The following SATB2 variants were observed in gnomAD, a reference collection of about 807,000 sequenced individuals.
The protein encoded by SATB2 is DNA-binding protein SATB2.
SATB2 carries 1 observed loss-of-function variant against 73.4 expected under a neutral mutation model. That is an observed-to-expected ratio of 0.01 (90% CI 0.00 to 0.06). SATB2 has a LOEUF of 0.06. Ranked by LOEUF, SATB2 falls within the 10% of genes least tolerant of loss-of-function variation. The pLI is 1.00. For missense variants in SATB2, 459 were observed against 945.8 expected (o/e 0.49, Z 6.75); for synonymous variants, 397 against 367.0 (o/e 1.08, Z -0.93).
At chr2:199,446,847 A>C (rs879464904) in intron 2 of SATB2, among the ~76,000 whole-genome samples, 1 of 152,210 alleles carries the variant, frequency 6.6e-6, no homozygotes, top group East Asian at 1.9e-4. Context: ...CTCCACCAGG[A>C]GGATGTACTG....
In SATB2 at chr2:199,464,045, G is replaced by A. The variant is rs535089713; in HGVS notation, c.-141+791C>T. Among the ~76,000 whole-genome samples, 3 of 152,316 alleles carry A rather than the reference G, an allele frequency of 2.0e-5. No individual in the cohort carries two copies. The highest frequency in any genetic ancestry group is 6.5e-5 in the Admixed American group (1 of 15,312). Reference sequence around the variant, plus strand: ...ACACCTACTGGAGCCAGGGACGAGGGGGGCAGTGTATCCGGCGGCCCAAAC... The same window carrying A: ...ACACCTACTGGAGCCAGGGACGAGGAGGGCAGTGTATCCGGCGGCCCAAAC... On this transcript the variant is annotated intron_variant, in intron 1 of 11. Coordinates refer to the SATB2 transcript ENST00000260926. This position sits in a 1 kb window ranked among gnomAD's most constrained non-coding sequence, Gnocchi z 6.6.
intron 10 of SATB2, among the ~76,000 whole-genome samples, chr2:199,303,227 T>C (rs565989776): frequency 4.6e-5 from 7 of 152,290 alleles, no homozygotes; most frequent in Non-Finnish European, 1.0e-4. Context: ...CAATTTCTCA[T>C]CTGTGAAAGT....
At chr2:199,426,285 TTTTA>T (rs529575581) in intron 3 of SATB2, among the ~76,000 whole-genome samples, 3 of 152,084 alleles carry the variant, frequency 2.0e-5, no homozygotes, top group African/African-American at 2.4e-5. Flanking sequence ...CTTTCTTCTT[TTTTA>T]TTTATTTATT....
chr2:199,333,514 G>C (rs891669421), intron 7 of SATB2, among the ~76,000 whole-genome samples: 1 of 152,054 alleles, frequency 6.6e-6, no homozygotes, highest in Non-Finnish European at 1.5e-5. Flanking sequence ...GGGAGTATTA[G>C]AACATTTGAA....
intron 2 of SATB2, among the ~76,000 whole-genome samples, chr2:199,440,039 G>A (rs1691767989): frequency 1.3e-5 from 2 of 152,270 alleles, no homozygotes; most frequent in Middle Eastern, 3.4e-3. Context: ...CCAGGAGACA[G>A]AGGTTGCAGT....
chr2:199,328,225 C>T (rs558190403), intron 8 of SATB2, among the ~76,000 whole-genome samples: 1 of 152,164 alleles, frequency 6.6e-6, no homozygotes, highest in South Asian at 2.1e-4. Context: ...ATCCTCTGAC[C>T]AACATGTTCA....
intron 3 of SATB2, among the ~76,000 whole-genome samples, chr2:199,413,762 C>T (rs1690891651): frequency 6.6e-6 from 1 of 152,094 alleles, no homozygotes; most frequent in East Asian, 1.9e-4. Flanking sequence ...CTCTTCCTGC[C>T]TGGAATCTCA....
intron 7 of SATB2, among the ~76,000 whole-genome samples, chr2:199,339,921 A>T (rs1004167291): frequency 6.6e-6 from 1 of 152,196 alleles, no homozygotes; most frequent in Admixed American, 6.5e-5. Flanking sequence ...TTATTGCTAC[A>T]TATCACTTCC....
intron 7 of SATB2, among the ~76,000 whole-genome samples, chr2:199,333,317 T>C (rs1021624992): frequency 1.3e-5 from 2 of 152,108 alleles, no homozygotes; most frequent in Non-Finnish European, 2.9e-5. Flanking sequence ...ATGTAAAAGA[T>C]GCCAAGCATT....
chr2:199,398,410 A>G (rs924179828), intron 3 of SATB2, among the ~76,000 whole-genome samples: 4 of 152,250 alleles, frequency 2.6e-5, no homozygotes, highest in Non-Finnish European at 5.9e-5. Context: ...GCAGATACAG[A>G]TGCACACGTT....
At chr2:199,386,699 C>T (rs1384080049) in intron 3 of SATB2, among the ~76,000 whole-genome samples, 36 of 406 alleles carry the variant, frequency 0.089, 1 homozygote, top group African/African-American at 0.12. Context: ...TGCGCAAGCG[C>T]GCGCGCGCGC....
upstream of SATB2, among the ~76,000 whole-genome samples, chr2:199,462,625 A>G (rs1329897649): frequency 6.6e-6 from 1 of 152,098 alleles, no homozygotes; most frequent in Non-Finnish European, 1.5e-5. This position sits in a 1 kb window ranked among gnomAD's most constrained non-coding sequence, Gnocchi z 5.9. Flanking sequence ...CCAGGCAAAG[A>G]TAAATGACTC....
At chr2:199,466,882 C>G (rs772895212), upstream of SATB2, among the ~76,000 whole-genome samples, 8 of 152,256 alleles carry the variant, frequency 5.3e-5, no homozygotes, top group Non-Finnish European at 1.2e-4. Context: ...GCCATCTCCC[C>G]AAGCTCTATT....
At chr2:199,349,922 T>C (rs1158545411) in intron 6 of SATB2, among the ~76,000 whole-genome samples, 1 of 152,160 alleles carries the variant, frequency 6.6e-6, no homozygotes, top group African/African-American at 2.4e-5. Flanking sequence ...ATCATATATA[T>C]ACAAGCATAA....
rs747170896 is a variant in SATB2, at chr2:199,456,010, G to A, written c.28C>T (p.Leu10=). The A allele has an allele frequency of 6.5e-7, 1 of 1,543,620 alleles. No homozygotes were observed. Among genetic ancestry groups the A allele is most frequent in the South Asian group, 1.2e-5 (1 of 84,424 alleles). Reference sequence around the variant, plus strand: ...CTCCGCCGGTCGGGGCTGTCCCGCAGACACGGGCTCTCGCTCCGCCGCTCC... The same window carrying A: ...CTCCGCCGGTCGGGGCTGTCCCGCAAACACGGGCTCTCGCTCCGCCGCTCC... MERRSESPC[L]RDSPDRRSGS... Residue 10 remains leucine (L), a synonymous_variant, in exon 2 of 11, where the codon CTG becomes TTG. Transcript: ENST00000417098.
At chr2:199,288,527 A>G (rs2105737678) in intron 10 of SATB2, among the ~76,000 whole-genome samples, 1 of 152,318 alleles carries the variant, frequency 6.6e-6, no homozygotes, top group South Asian at 2.1e-4. Flanking sequence ...CATTTTCTGT[A>G]TAATTTTTAC....
intron 3 of SATB2, among the ~76,000 whole-genome samples, chr2:199,401,760 G>A (rs917363771): frequency 3.9e-5 from 6 of 152,100 alleles, no homozygotes; most frequent in Non-Finnish European, 8.8e-5. Context: ...CAAAGAGGCT[G>A]GCAGTAAGCT....
chr2:199,380,256 TATAA>T, intron 5 of SATB2, 104 bp downstream of exon 5: 1 of 1,388,458 alleles, frequency 7.2e-7, no homozygotes, highest in Non-Finnish European at 1.0e-6. Flanking sequence ...AGTTTAAGTC[TATAA>T]ATAAAAGACA....
chr2:199,308,676 G>A lies in SATB2; in HGVS notation c.1740+84C>T. On this transcript the variant is annotated intron_variant, in intron 10 of 10. Coordinates refer to ENST00000417098, the MANE Select transcript of SATB2 (RefSeq NM_001172509.2). The surrounding 1 kb of genome is among the most constrained non-coding windows in gnomAD (Gnocchi z 4.6). ...GACACCCTCTGACAGAAGTTGGTGT[G>A]GTGTGTGCCACTTGGACCCTCAGCA... is the stretch of plus-strand genomic sequence containing the variant. The A allele has an allele frequency of 8.7e-7, 1 of 1,148,596 alleles. No homozygotes were observed. The allele number at this position is 1,148,596 out of a possible 1,614,324, so 71.2% of individuals were successfully genotyped here.
Sources: gnomAD v4.1 joint callset for allele counts (sites outside exome capture counted in the v4.1 genomes callset) on GRCh38, gnomAD v4.1.1 for gene constraint, Gnocchi (gnomAD v3.1) non-coding constraint, MANE v1.5 for transcripts, NCBI Gene and HGNC (gene_info 2026-07-23, HGNC 2026-07-21) for gene names.